MICAL2: variants seen among roughly 807,000 people sequenced by gnomAD.
MICAL2 encodes microtubule associated monooxygenase, calponin and LIM domain containing 2, also known as [F-actin]-monooxygenase MICAL2.
Under a neutral mutation model 127.3 loss-of-function variants are expected in MICAL2, and 77 were observed. The observed-to-expected ratio is 0.60, with a 90% confidence interval of 0.50 to 0.73. The LOEUF (loss-of-function observed/expected upper bound fraction) is 0.73, where lower values mean the gene tolerates loss of function less well. Ranked by LOEUF, MICAL2 falls within the 30% of genes least tolerant of loss-of-function variation. The pLI is 0.00. For missense variants in MICAL2, 1,351 were observed against 1,434.4 expected, an observed-to-expected ratio of 0.94 and a Z score of 0.94; for synonymous variants, 570 against 551.1, an observed-to-expected ratio of 1.03 and a Z score of -0.48.
downstream of MICAL2, among the ~76,000 whole-genome samples, chr11:12,290,110 A>T: frequency 6.6e-6 from 1 of 150,786 alleles, no homozygotes; most frequent in East Asian, 1.9e-4. Flanking sequence ...GGCTGTGCCC[A>T]CCTCCCAAGC....
intron 2 of MICAL2, among the ~76,000 whole-genome samples, chr11:12,283,082 G>C (rs919403964): frequency 6.6e-6 from 1 of 152,182 alleles, no homozygotes; most frequent in Non-Finnish European, 1.5e-5. Context: ...GTCTTCATCA[G>C]TCATTGTTTT....
chr11:12,299,619 G>A (rs146747251), intron 29 of MICAL2, among the ~76,000 whole-genome samples: 51 of 152,266 alleles, frequency 3.3e-4, no homozygotes, highest in African/African-American at 1.2e-3. Flanking sequence ...TCATTCTTGT[G>A]TATAATTAAA....
At chr11:12,118,175 GACTT>G (rs2133446757) in intron 1 of MICAL2, among the ~76,000 whole-genome samples, 1 of 152,268 alleles carries the variant, frequency 6.6e-6, no homozygotes, top group African/African-American at 2.4e-5. Flanking sequence ...TCTTAAAAGT[GACTT>G]ACCCACACAT....
rs10660240 is a variant in MICAL2 at position 12,319,447 on chromosome 11, C to CTTT, written c.5213-239_5213-237dup. On this transcript the variant is annotated intron_variant, in intron 29 of 34. Coordinates refer to the MICAL2 transcript ENST00000646065. ...TTTCTGCATAATACCTTGGTTTTTT[C>CTTT]TTTTTTTTTTTTAATGTGAAAAGAG... 2.6e-3 allele frequency among the ~76,000 whole-genome samples: 377 copies of CTTT among 147,160 alleles called. 2 individuals are homozygous for CTTT. Among genetic ancestry groups the CTTT allele is most frequent in the East Asian group, 0.011 (57 of 5,026 alleles).
intron 34 of MICAL2, among the ~76,000 whole-genome samples, chr11:12,356,629 G>A (rs1241295162): frequency 6.6e-6 from 1 of 152,158 alleles, no homozygotes; most frequent in African/African-American, 2.4e-5. Context: ...GAGAGCCTGC[G>A]GGCATTCCTG....
intron 2 of MICAL2, among the ~76,000 whole-genome samples, chr11:12,143,682 T>G (rs1852580023): frequency 6.6e-6 from 1 of 152,198 alleles, no homozygotes; most frequent in Non-Finnish European, 1.5e-5. Flanking sequence ...CAAACACCCT[T>G]GTGAGTTCCT....
downstream of MICAL2, chr11:12,292,343 A>C (rs773058771): frequency 6.3e-6 from 10 of 1,588,968 alleles, no homozygotes; most frequent in East Asian, 2.2e-4. Flanking sequence ...AAGCTAACCT[A>C]CCTGTACTCT....
chr11:12,335,779 T>C (rs1441786223), intron 32 of MICAL2, among the ~76,000 whole-genome samples: 2 of 152,208 alleles, frequency 1.3e-5, no homozygotes, highest in African/African-American at 4.8e-5. Context: ...TGCAGCATTA[T>C]TTCTGAGAGC....
chr11:12,249,503 C>T (rs1168654562), intron 22 of MICAL2, among the ~76,000 whole-genome samples: 1 of 152,198 alleles, frequency 6.6e-6, no homozygotes, highest in Admixed American at 6.5e-5. Flanking sequence ...GCCCTCCTAC[C>T]CCCAGCCCTG....
chr11:12,242,139 T>G, intron 18 of MICAL2, 75 bp from the exon 19 acceptor site: 7 of 1,265,496 alleles, frequency 5.5e-6, no homozygotes, highest in Non-Finnish European at 6.5e-6. Flanking sequence ...CTGGTCTTCA[T>G]GGGGGATCCC....
At chr11:12,321,841 C>T (rs1207218349) in intron 30 of MICAL2, among the ~76,000 whole-genome samples, 1 of 152,066 alleles carries the variant, frequency 6.6e-6, no homozygotes, top group African/African-American at 2.4e-5. Flanking sequence ...CCACCTTTCG[C>T]CTGGGAATTG....
At chr11:12,177,906 C>G (rs1857007009) in intron 3 of MICAL2, among the ~76,000 whole-genome samples, 1 of 152,128 alleles carries the variant, frequency 6.6e-6, no homozygotes, top group African/African-American at 2.4e-5. Flanking sequence ...GCCCCATGAC[C>G]CCGTTGAAGT....
At chr11:12,140,426 T>C (rs967009817) in intron 2 of MICAL2, among the ~76,000 whole-genome samples, 4 of 151,772 alleles carry the variant, frequency 2.6e-5, no homozygotes, top group African/African-American at 4.8e-5. Context: ...ACTCCAACCA[T>C]AGTAAATCTC....
chr11:12,323,687 A>T (rs564559126), intron 30 of MICAL2, among the ~76,000 whole-genome samples: 2 of 152,330 alleles, frequency 1.3e-5, no homozygotes, highest in African/African-American at 4.8e-5. Flanking sequence ...TGGCTACTTA[A>T]GTTTACATTT....
intron 2 of MICAL2, chr11:12,161,781 G>A (rs1255457056): frequency 4.1e-6 from 1 of 244,926 alleles, no homozygotes; most frequent in Non-Finnish European, 7.9e-6. Flanking sequence ...TTGGCTTAGA[G>A]CAAGATTGAC....
chr11:12,244,485 C>T lies in MICAL2; in HGVS notation c.2784+373C>T, dbSNP rs539669527. ...GACATTTTTATAATATGAAATATCA[C>T]ATCACATACTGCTGATATTTGCCTG... On this transcript the variant is annotated intron_variant, in intron 21 of 27. Transcript: ENST00000683283. 6.6e-5 allele frequency among the ~76,000 whole-genome samples: 10 copies of T among 152,308 alleles called. No individual in the cohort carries two copies. In the South Asian group the frequency reaches 2.1e-3, roughly 32 times the overall value.
chr11:12,342,667 T>C (rs989565137), intron 32 of MICAL2, among the ~76,000 whole-genome samples: 1 of 152,228 alleles, frequency 6.6e-6, no homozygotes, highest in Non-Finnish European at 1.5e-5. Context: ...CCAAGCACAA[T>C]GCTAAGCATT....
chr11:12,289,566 GT>G (rs1316795523), downstream of MICAL2, among the ~76,000 whole-genome samples: 85 of 36,496 alleles, frequency 2.3e-3, 3 homozygotes, highest in South Asian at 0.059. Context: ...GTTTTTTTTT[GT>G]TTTTTTTTTT....
At chr11:12,292,112 T>G, downstream of MICAL2, 1 of 1,600,098 alleles carries the variant, frequency 6.2e-7, no homozygotes, top group Non-Finnish European at 8.5e-7. Flanking sequence ...ATAACACCTT[T>G]GTAATGAAGA....
Sources: allele counts gnomAD v4.1 joint callset (sites outside exome capture counted in the v4.1 genomes callset), GRCh38; gene constraint gnomAD v4.1.1; transcripts MANE v1.5; gene names NCBI Gene and HGNC (gene_info 2026-07-23, HGNC 2026-07-21).